The following MYRIP variants were observed in gnomAD, a reference collection of about 807,000 sequenced individuals.
MYRIP encodes the protein rab effector MyRIP.
In MYRIP, 49 loss-of-function variants were observed where a neutral mutation model predicts 98.0. The ratio of observed to expected loss-of-function variants is 0.50; its 90% confidence interval spans 0.40 to 0.63. MYRIP has a LOEUF of 0.63. Ranked by LOEUF, MYRIP falls within the 30% of genes least tolerant of loss-of-function variation. The pLI is 0.00. For missense variants in MYRIP, 1,004 were observed against 1,058.2 expected, an observed-to-expected ratio of 0.95 and a Z score of 0.71; for synonymous variants, 404 against 409.5, an observed-to-expected ratio of 0.99 and a Z score of 0.16.
At chr3:40,117,970 T>A (rs964630734) in intron 3 of MYRIP, among the ~76,000 whole-genome samples, 1 of 152,136 alleles carries the variant, frequency 6.6e-6, no homozygotes, top group Non-Finnish European at 1.5e-5. Flanking sequence ...TTATTTGTAA[T>A]TTAAATTGCA....
At chr3:40,083,172 C>G (rs1948518112) in intron 3 of MYRIP, among the ~76,000 whole-genome samples, 1 of 152,194 alleles carries the variant, frequency 6.6e-6, no homozygotes, top group Admixed American at 6.5e-5. Context: ...AATTCTATGT[C>G]TGTGGGGCTC....
At chr3:40,035,636 G>A (rs531362569) in intron 2 of MYRIP, among the ~76,000 whole-genome samples, 5 of 152,038 alleles carry the variant, frequency 3.3e-5, no homozygotes, top group African/African-American at 1.2e-4. Context: ...ACCAAGGAAT[G>A]AATGGCACCA....
intron 3 of MYRIP, among the ~76,000 whole-genome samples, chr3:40,088,588 C>G (rs1489789229): frequency 6.6e-6 from 1 of 152,266 alleles, no homozygotes; most frequent in Non-Finnish European, 1.5e-5. Flanking sequence ...GTATGGGAGA[C>G]AGAAAACCAT....
At chr3:40,173,879 C>G (rs1012404830) in intron 8 of MYRIP, 7 of 152,186 alleles carry the variant, frequency 4.6e-5, no homozygotes, top group African/African-American at 1.7e-4. Flanking sequence ...TAACTCATGG[C>G]TATGCTTTGA....
intron 2 of MYRIP, among the ~76,000 whole-genome samples, chr3:39,927,575 C>G (rs1445211291): frequency 6.6e-6 from 1 of 151,886 alleles, no homozygotes; most frequent in East Asian, 1.9e-4. Flanking sequence ...CCAAAAAAAT[C>G]CCTGCACCAG....
chr3:39,839,277 G>A (rs1941723625), intron 1 of MYRIP, among the ~76,000 whole-genome samples: 1 of 149,112 alleles, frequency 6.7e-6, no homozygotes, highest in Non-Finnish European at 1.5e-5. Flanking sequence ...TTTTTCTTAA[G>A]ACGGAGTCTC....
intron 3 of MYRIP, among the ~76,000 whole-genome samples, chr3:40,133,709 C>T (rs1949696900): frequency 6.6e-6 from 1 of 152,156 alleles, no homozygotes; most frequent in African/African-American, 2.4e-5. Context: ...TGTATTCCAG[C>T]CTGGGCAACA....
chr3:39,856,497 G>A (rs1466612354), intron 1 of MYRIP, among the ~76,000 whole-genome samples: 1 of 152,158 alleles, frequency 6.6e-6, no homozygotes, highest in Non-Finnish European at 1.5e-5. Flanking sequence ...ACCACCCACT[G>A]GAAAAGCACA....
At chr3:39,959,812 C>T (rs1392127774) in intron 2 of MYRIP, among the ~76,000 whole-genome samples, 1 of 151,850 alleles carries the variant, frequency 6.6e-6, no homozygotes, top group Non-Finnish European at 1.5e-5. Flanking sequence ...GTTGAATAAC[C>T]GAAGCAGAGT....
At chr3:40,176,831 C>G (rs1005041173) in intron 8 of MYRIP, among the ~76,000 whole-genome samples, 3 of 150,290 alleles carry the variant, frequency 2.0e-5, no homozygotes, top group Non-Finnish European at 4.4e-5. Context: ...ATTGCTTGAA[C>G]CCAGGAGGCA....
intron 2 of MYRIP, among the ~76,000 whole-genome samples, chr3:39,942,745 A>C (rs1341080995): frequency 1.3e-5 from 2 of 152,122 alleles, no homozygotes; most frequent in Non-Finnish European, 2.9e-5. Flanking sequence ...ATAGAAGACT[A>C]GATCTGTCTT....
At chr3:40,247,366 T>G (rs536520860) in intron 13 of MYRIP, among the ~76,000 whole-genome samples, 50 of 152,342 alleles carry the variant, frequency 3.3e-4, no homozygotes, top group African/African-American at 1.2e-3. Flanking sequence ...TTGTCCTTAA[T>G]GGTTTACCAC....
chr3:39,818,177 A>T (rs992774180), intron 1 of MYRIP, among the ~76,000 whole-genome samples: 1 of 152,192 alleles, frequency 6.6e-6, no homozygotes, highest in African/African-American at 2.4e-5. Flanking sequence ...TTTTCTTGAG[A>T]TGAAGTACTT....
At chr3:40,253,913 T>C (rs1027526359) in intron 16 of MYRIP, among the ~76,000 whole-genome samples, 1 of 152,250 alleles carries the variant, frequency 6.6e-6, no homozygotes, top group South Asian at 2.1e-4. Context: ...AATATGTAAA[T>C]GGAAGATTAA....
intron 2 of MYRIP, among the ~76,000 whole-genome samples, chr3:39,983,020 T>A (rs4676458): frequency 0.47 from 71,258 of 152,124 alleles, 17,400 homozygotes; most frequent in African/African-American, 0.63. Context: ...AAGATTATAA[T>A]TATTTAAAAT....
At chr3:39,995,261 C>A (rs545435652) in intron 2 of MYRIP, among the ~76,000 whole-genome samples, 1 of 152,206 alleles carries the variant, frequency 6.6e-6, no homozygotes, top group East Asian at 1.9e-4. Flanking sequence ...GAAGTTCAAA[C>A]CCATGGCAAA....
intron 11 of MYRIP, among the ~76,000 whole-genome samples, chr3:40,230,818 CTTCT>C (rs1952631050): frequency 6.7e-6 from 1 of 150,144 alleles, no homozygotes; most frequent in Non-Finnish European, 1.5e-5. Flanking sequence ...TCAGTCACTT[CTTCT>C]TTTTTTTTTT....
At position 40,250,515 on chromosome 3, in the gene MYRIP, A is replaced by G; in HGVS notation, c.2428+16A>G. 1 of 1,614,018 alleles carries G rather than the reference A, an allele frequency of 6.2e-7. No individual in the cohort carries two copies. The highest frequency in any genetic ancestry group is 8.5e-7 in the Non-Finnish European group (1 of 1,179,942). On this transcript the variant is annotated intron_variant, in intron 15 of 16. Coordinates refer to ENST00000302541, the MANE Select transcript of MYRIP (RefSeq NM_015460.4). ...CCGGTGAAAGGTATGCTAAATTAAAACCACAAAGCTACCAAAAAATTAAGC... is the reference window on the plus strand; with the variant it reads ...CCGGTGAAAGGTATGCTAAATTAAAGCCACAAAGCTACCAAAAAATTAAGC...
intron 1 of MYRIP, among the ~76,000 whole-genome samples, chr3:39,856,148 T>C (rs1463938084): frequency 6.6e-6 from 1 of 152,252 alleles, no homozygotes; most frequent in Non-Finnish European, 1.5e-5. Flanking sequence ...TTTCCCCCTC[T>C]TACACTTTGG....
Sources: allele counts gnomAD v4.1 joint callset (sites outside exome capture counted in the v4.1 genomes callset), GRCh38; gene constraint gnomAD v4.1.1; transcripts MANE v1.5; gene names NCBI Gene and HGNC (gene_info 2026-07-23, HGNC 2026-07-21).